Variants in SAMD5 observed in about 807,000 individuals in gnomAD.
The protein encoded by SAMD5 is sterile alpha motif domain-containing protein 5.
SAMD5 carries 13 observed loss-of-function variants against 11.3 expected under a neutral mutation model. That is an observed-to-expected ratio of 1.15 (90% CI 0.75 to 1.83). The LOEUF (loss-of-function observed/expected upper bound fraction) is 1.83. Ranked by LOEUF, SAMD5 falls within the 40% of genes most tolerant of loss-of-function variation. The probability of loss-of-function intolerance (pLI) is 0.00; values close to 1 mark genes in which losing one functional copy is unlikely to be tolerated. For synonymous variants in SAMD5, 129 were observed against 111.3 expected (o/e 1.16, Z -1.00); for missense variants, 255 against 239.1 (o/e 1.07, Z -0.44).
intron 1 of SAMD5, among the ~76,000 whole-genome samples, chr6:147,522,367 A>AG (rs1211831373): frequency 6.6e-6 from 1 of 152,186 alleles, no homozygotes; most frequent in African/African-American, 2.4e-5. Context: ...ATTAAGGAAA[A>AG]CATCCTTCTT....
At chr6:147,769,310 A>T in the SAMD5 span, among the ~76,000 whole-genome samples, 1 of 152,180 alleles carries the variant, frequency 6.6e-6, no homozygotes. Flanking sequence ...CCATTATTTC[A>T]TTTCAATACC....
chr6:147,680,341 T>G (rs1790923924), intron 1 of SAMD5, among the ~76,000 whole-genome samples: 1 of 152,158 alleles, frequency 6.6e-6, no homozygotes, highest in South Asian at 2.1e-4. Context: ...TGATAGCATA[T>G]GGAAATACAA....
rs1789018196 is a variant in SAMD5 at position 147,565,297 on chromosome 6, C to T, written c.*841C>T. On this transcript the variant is annotated 3_prime_UTR_variant, in exon 2 of 2. Transcript: ENST00000367474. ...CCCACCTTGCTCTCCAGGCTTCTGA[C>T]TTCAGGCCTGTGGGGGCCGGGAGGT... 2 of 985,818 alleles carry T rather than the reference C, an allele frequency of 2.0e-6. No individual in the cohort carries two copies. The highest frequency in any genetic ancestry group is 3.5e-5 in the African/African-American group (2 of 57,252). The allele number at this position is 985,818 out of a possible 1,614,324, so 61.1% of individuals were successfully genotyped here. A position where few individuals can be genotyped will look rare whatever the true frequency, so the allele number is the denominator to read the frequency against.
chr6:147,539,708 A>T (rs1788569073), intron 1 of SAMD5, among the ~76,000 whole-genome samples: 1 of 152,108 alleles, frequency 6.6e-6, no homozygotes, highest in Non-Finnish European at 1.5e-5. Flanking sequence ...AGATGAAAAA[A>T]AAAAAAATGG....
intron 1 of SAMD5, among the ~76,000 whole-genome samples, chr6:147,509,925 A>G (rs9485190): frequency 0.053 from 8,084 of 152,218 alleles, 571 homozygotes; most frequent in East Asian, 0.18. Flanking sequence ...GAAGCTTACC[A>G]TTCACATGAG....
chr6:147,897,038 G>T, the SAMD5 span, among the ~76,000 whole-genome samples: 3 of 152,100 alleles, frequency 2.0e-5, no homozygotes, highest in Non-Finnish European at 2.9e-5. Context: ...CTGCTAATGG[G>T]AATGAGGTTT....
At chr6:147,848,592 G>A in the SAMD5 span, among the ~76,000 whole-genome samples, 5 of 152,166 alleles carry the variant, frequency 3.3e-5, no homozygotes, top group Non-Finnish European at 5.9e-5. Context: ...AAATGGTAGA[G>A]ATGGAACTCA....
chr6:147,874,210 G>T, the SAMD5 span, among the ~76,000 whole-genome samples: 20 of 152,234 alleles, frequency 1.3e-4, no homozygotes, highest in Non-Finnish European at 2.2e-4. Flanking sequence ...CACAGTTTAG[G>T]CATTACAGAA....
chr6:147,566,818 C>G lies in SAMD5; in HGVS notation c.*2362C>G. Reference sequence around the variant, plus strand: ...CCCACGAATTCCTTTGCATTAAAATCAAGATGAGGTAAGAGGTAGAATATA... The same window carrying G: ...CCCACGAATTCCTTTGCATTAAAATGAAGATGAGGTAAGAGGTAGAATATA... On this transcript the variant is annotated 3_prime_UTR_variant, in exon 2 of 2. Transcript: ENST00000367474. 1.0e-6 allele frequency: 1 copy of G among 980,330 alleles called. No homozygotes were observed. Among genetic ancestry groups the G allele is most frequent in the Non-Finnish European group, 1.2e-6 (1 of 825,442 alleles). 60.7% of individuals were successfully genotyped at this position (980,330 alleles called of 1,614,324 possible). A position where few individuals can be genotyped will look rare whatever the true frequency, so the allele number is the denominator to read the frequency against.
the SAMD5 span, among the ~76,000 whole-genome samples, chr6:147,787,538 G>A: frequency 5.3e-5 from 8 of 152,122 alleles, no homozygotes; most frequent in African/African-American, 1.7e-4. Flanking sequence ...TCACATGGAT[G>A]CCACAATTGG....
the SAMD5 span, among the ~76,000 whole-genome samples, chr6:147,786,351 T>C: frequency 1.3e-5 from 2 of 152,214 alleles, no homozygotes; most frequent in Non-Finnish European, 2.9e-5. Flanking sequence ...TGGAAGCTTG[T>C]TTTATAGTGA....
intron 1 of SAMD5, among the ~76,000 whole-genome samples, chr6:147,542,746 GC>G (rs1185290309): frequency 6.6e-6 from 1 of 152,150 alleles, no homozygotes; most frequent in East Asian, 1.9e-4. Context: ...AAATTTTGTA[GC>G]CTCAAACTGC....
At chr6:147,835,728 G>A in the SAMD5 span, among the ~76,000 whole-genome samples, 1 of 152,104 alleles carries the variant, frequency 6.6e-6, no homozygotes, top group African/African-American at 2.4e-5. Flanking sequence ...GAACACAGGA[G>A]GGAGACTGGA....
chr6:147,584,317 G>T (rs938097335), intron 1 of SAMD5, among the ~76,000 whole-genome samples: 6 of 152,150 alleles, frequency 3.9e-5, no homozygotes, highest in Non-Finnish European at 8.8e-5. Flanking sequence ...GTTTGTCAAA[G>T]AACTATCTTT....
the SAMD5 span, among the ~76,000 whole-genome samples, chr6:147,877,847 T>TACACACACACACACACACACACAC: frequency 8.8e-6 from 1 of 113,076 alleles, no homozygotes; most frequent in East Asian, 2.3e-4. Flanking sequence ...TTTATATAAA[T>TACACACACACACACACACACACAC]ACACACACAC....
intron 1 of SAMD5, among the ~76,000 whole-genome samples, chr6:147,612,970 G>A (rs73582983): frequency 0.12 from 18,539 of 151,960 alleles, 2,959 homozygotes; most frequent in African/African-American, 0.37. Flanking sequence ...AGGCCTAGGC[G>A]GGTAGATCAG....
At chr6:147,551,737 G>A (rs192611598) in intron 1 of SAMD5, among the ~76,000 whole-genome samples, 273 of 149,132 alleles carry the variant, frequency 1.8e-3, no homozygotes, top group South Asian at 0.017. Context: ...TTTTTTATTC[G>A]ATCTCAAACG....
At chr6:147,816,301 A>AAAAAAAAAAAAAAT in the SAMD5 span, among the ~76,000 whole-genome samples, 26 of 66,356 alleles carry the variant, frequency 3.9e-4, no homozygotes, top group African/African-American at 5.1e-4. Context: ...AAAAAAAAAA[A>AAAAAAAAAAAAAAT]ATATATATAT....
rs1323980466 is a variant in SAMD5 at position 147,616,276 on chromosome 6, T to C, written c.162+106889T>C. Reference sequence around the variant, plus strand: ...TATTCATATATATTTCATATATATTTATTCATATATACTTCATATATATTT... The same window carrying C: ...TATTCATATATATTTCATATATATTCATTCATATATACTTCATATATATTT... On this transcript the variant is annotated intron_variant, in intron 1 of 1. Transcript: ENST00000566741. 1.3e-3 allele frequency among the ~76,000 whole-genome samples: 157 copies of C among 123,640 alleles called. 8 individuals are homozygous for C. Among genetic ancestry groups the C allele is most frequent in the African/African-American group, 7.9e-3 (146 of 18,506 alleles). The allele number at this position is 123,640 out of a possible 152,430, so 81.1% of individuals were successfully genotyped here.
Sources: allele counts gnomAD v4.1 joint callset (sites outside exome capture counted in the v4.1 genomes callset), GRCh38; gene constraint gnomAD v4.1.1; transcripts MANE v1.5; gene names NCBI Gene and HGNC (gene_info 2026-07-23, HGNC 2026-07-21).